Variants in SEL1L3 observed in about 807,000 individuals in gnomAD.
SEL1L3 encodes the protein SEL1L family member 3, also known as protein sel-1 homolog 3.
SEL1L3 carries 76 observed loss-of-function variants against 142.8 expected under a neutral mutation model. The observed-to-expected ratio is 0.53, with a 90% confidence interval of 0.44 to 0.64. The LOEUF (loss-of-function observed/expected upper bound fraction) is 0.64. Ranked by LOEUF, SEL1L3 falls within the 30% of genes least tolerant of loss-of-function variation. The pLI is 0.00. For synonymous variants in SEL1L3, 504 were observed against 519.6 expected (o/e 0.97, Z 0.41); for missense variants, 1,262 against 1,381.7 (o/e 0.91, Z 1.37).
Position 25,804,251 on chromosome 4 carries a change from C to T in SEL1L3, c.1776+290G>A, listed in dbSNP as rs570924414. ...GTAATTACAAGAATTTGGTAAGGAG[C>T]ACCTGTTCTTGAAGAACTGGTGTTC... is the stretch of plus-strand genomic sequence containing the variant. On this transcript the variant is annotated intron_variant, in intron 10 of 23. Transcript: ENST00000399878. Among the ~76,000 whole-genome samples the T allele has an allele frequency of 2.0e-5, 3 of 152,244 alleles. No homozygotes were observed. In the South Asian group the frequency reaches 6.2e-4, roughly 32 times the overall value.
At position 25,750,685 on chromosome 4, in the gene SEL1L3, T is replaced by C. The variant is rs193077928; in HGVS notation, c.3260-2121A>G. 1.5e-3 allele frequency among the ~76,000 whole-genome samples: 224 copies of C among 152,324 alleles called. 2 individuals are homozygous for C. Among genetic ancestry groups the C allele is most frequent in the Non-Finnish European group, 2.7e-3 (181 of 68,032 alleles). ...GTACAACCTCCTCATGAAATCTCTC[T>C]GACTATAAGGCTACTGCTTTCTTCA... On this transcript the variant is annotated intron_variant, in intron 23 of 23. Transcript: ENST00000399878.
the SEL1L3 span, among the ~76,000 whole-genome samples, chr4:25,730,844 C>A: frequency 6.6e-6 from 1 of 152,154 alleles, no homozygotes; most frequent in South Asian, 2.1e-4. Flanking sequence ...GCCTGGCCAA[C>A]ATGGCGAAAC....
At chr4:25,835,117 G>T in intron 3 of SEL1L3, 80 bp downstream of exon 3, 1 of 1,530,632 alleles carries the variant, frequency 6.5e-7, no homozygotes, top group Non-Finnish European at 8.9e-7. Context: ...TCTTCCTAAG[G>T]AATTCTTCCA....
intron 2 of SEL1L3, among the ~76,000 whole-genome samples, chr4:25,843,889 C>T (rs886560572): frequency 1.3e-5 from 2 of 152,272 alleles, no homozygotes; most frequent in African/African-American, 2.4e-5. Context: ...ACGTGGCCCT[C>T]GCCTCGGGAG....
At chr4:25,797,252 C>T (rs1712837492) in intron 11 of SEL1L3, among the ~76,000 whole-genome samples, 1 of 151,984 alleles carries the variant, frequency 6.6e-6, no homozygotes, top group Non-Finnish European at 1.5e-5. Flanking sequence ...GGCAGCCCCA[C>T]ATTTTCCAGG....
chr4:25,721,842 G>A, the SEL1L3 span, among the ~76,000 whole-genome samples: 65 of 152,266 alleles, frequency 4.3e-4, no homozygotes, highest in South Asian at 1.0e-3. Flanking sequence ...ACTTGCTTTC[G>A]CCAGTGGGAT....
intron 15 of SEL1L3, 66 bp from the exon 16 acceptor site, chr4:25,779,269 A>G (rs4697619): frequency 0.63 from 994,122 of 1,589,028 alleles, 316,110 homozygotes; most frequent in African/African-American, 0.88. Flanking sequence ...AGACAAGGTG[A>G]TGAGATGCTT....
At chr4:25,834,561 T>C (rs540702204) in intron 3 of SEL1L3, among the ~76,000 whole-genome samples, 3 of 152,276 alleles carry the variant, frequency 2.0e-5, no homozygotes, top group East Asian at 3.9e-4. Context: ...TGCAAACAGA[T>C]GGTGCCACAC....
chr4:25,730,176 C>T, the SEL1L3 span, among the ~76,000 whole-genome samples: 16 of 152,062 alleles, frequency 1.1e-4, no homozygotes, highest in Admixed American at 8.5e-4. Context: ...TCAAGTGACC[C>T]GCCCACCTCG....
At position 25,781,508 on chromosome 4, in the gene SEL1L3, C is replaced by A. The variant is rs569918432; in HGVS notation, c.2457+734G>T. On this transcript the variant is annotated intron_variant, in intron 15 of 23. Coordinates refer to ENST00000399878, the MANE Select transcript of SEL1L3 (RefSeq NM_015187.5). ...CAAAAATTAACCAGGCGTGGTGGTG[C>A]ACGCCTGTAATCCCAGTTACTCCAG... Among the ~76,000 whole-genome samples the A allele has an allele frequency of 2.1e-4, 32 of 152,258 alleles. 1 individual carries two copies. In the South Asian group the frequency reaches 5.4e-3, roughly 26 times the overall value.
At chr4:25,803,959 C>T (rs1713374655) in intron 10 of SEL1L3, among the ~76,000 whole-genome samples, 1 of 152,120 alleles carries the variant, frequency 6.6e-6, no homozygotes, top group African/African-American at 2.4e-5. Flanking sequence ...TTGCATGAGC[C>T]AATTCTTTGT....
intron 2 of SEL1L3, among the ~76,000 whole-genome samples, chr4:25,838,469 T>C (rs377291959): frequency 6.6e-6 from 1 of 152,202 alleles, no homozygotes; most frequent in Non-Finnish European, 1.5e-5. Flanking sequence ...GAAGCTCTAA[T>C]ATGACTCAAA....
chr4:25,777,938 A>G, intron 16 of SEL1L3: 3 of 447,910 alleles, frequency 6.7e-6, no homozygotes, highest in South Asian at 1.6e-5. Flanking sequence ...TGGGCCACAT[A>G]TAGTCTCTGT....
Position 25,762,516 on chromosome 4 carries a change from A to G in SEL1L3, c.2955+2810T>C, listed in dbSNP as rs889874433. 1.8e-4 allele frequency among the ~76,000 whole-genome samples: 27 copies of G among 152,358 alleles called. No homozygotes were observed. In the East Asian group the frequency reaches 5.0e-3, roughly 28 times the overall value. On this transcript the variant is annotated intron_variant, in intron 20 of 23. Transcript: ENST00000399878. Reference sequence around the variant, plus strand: ...GGACTCTATAGATAAATATGTGTCAAATCAATAAATAAGTTAGTAAACAAA... The same window carrying G: ...GGACTCTATAGATAAATATGTGTCAGATCAATAAATAAGTTAGTAAACAAA...
intron 23 of SEL1L3, chr4:25,756,404 A>G: frequency 1.0e-6 from 1 of 985,192 alleles, no homozygotes. Context: ...ACATTTATTG[A>G]GAAGGTTTTA....
At chr4:25,785,784 C>T (rs185413868) in intron 13 of SEL1L3, among the ~76,000 whole-genome samples, 93 of 152,232 alleles carry the variant, frequency 6.1e-4, no homozygotes, top group Admixed American at 1.0e-3. Context: ...AATCACTGAA[C>T]GTTAGCGCCT....
chr4:25,776,773 TA>T, intron 16 of SEL1L3: 1 of 153,360 alleles, frequency 6.5e-6, no homozygotes, highest in East Asian at 1.9e-4. Flanking sequence ...TTTAGATTTA[TA>T]ACTACTAAAA....
chr4:25,807,228 T>G (rs1259320314), intron 9 of SEL1L3, among the ~76,000 whole-genome samples: 1 of 152,226 alleles, frequency 6.6e-6, no homozygotes, highest in Admixed American at 6.5e-5. Context: ...TAGACTCCTG[T>G]GTTGTTTCCA....
intron 2 of SEL1L3, among the ~76,000 whole-genome samples, chr4:25,845,628 A>C (rs1716457825): frequency 1.3e-5 from 2 of 152,186 alleles, no homozygotes; most frequent in South Asian, 2.1e-4. Context: ...GGACAGTACC[A>C]AGAAATCGCC....
Sources: allele counts gnomAD v4.1 joint callset (sites outside exome capture counted in the v4.1 genomes callset), GRCh38; gene constraint gnomAD v4.1.1; transcripts MANE v1.5; gene names NCBI Gene and HGNC (gene_info 2026-07-23, HGNC 2026-07-21).